ADAM32: variants seen among roughly 807,000 people sequenced by gnomAD.
The protein encoded by ADAM32 is disintegrin and metalloproteinase domain-containing protein 32.
Under a neutral mutation model 114.9 loss-of-function variants are expected in ADAM32, and 89 were observed. The ratio of observed to expected loss-of-function variants is 0.77; its 90% confidence interval spans 0.65 to 0.92. The LOEUF (loss-of-function observed/expected upper bound fraction) is 0.92, where lower values mean the gene tolerates loss of function less well. Among genes scored for constraint, ADAM32 ranks in the 40% least tolerant of loss-of-function variants. The probability of loss-of-function intolerance (pLI) is 0.00; values close to 1 mark genes in which losing one functional copy is unlikely to be tolerated. For missense variants in ADAM32, 870 were observed against 932.8 expected, an observed-to-expected ratio of 0.93 and a Z score of 0.88; for synonymous variants, 285 against 307.5, an observed-to-expected ratio of 0.93 and a Z score of 0.77.
chr8:39,160,949 TG>T lies in ADAM32; in HGVS notation c.580del (p.Val194TrpfsTer14). 6.3e-7 allele frequency: 1 copy of T among 1,596,496 alleles called. No individual in the cohort carries two copies. The highest frequency in any genetic ancestry group is 1.7e-5 in the Admixed American group (1 of 57,228). On this transcript the variant is annotated frameshift_variant, in exon 7 of 25. Coordinates refer to ENST00000379907, the MANE Select transcript of ADAM32 (RefSeq NM_145004.7). LOFTEE classifies it high-confidence loss of function. The stretch of plus-strand genomic sequence containing the variant: ...CCTCTTTATCTAGAAATGCATATTG[TG>T]GTGGACAAAACTTTGGTATGTGTTT... ...LFPLYLEMHI[V>X]VDKTLYDYWG... is the part of the protein sequence containing the mutation.
At chr8:39,274,978 G>C (rs960295003) in intron 21 of ADAM32, among the ~76,000 whole-genome samples, 1 of 152,190 alleles carries the variant, frequency 6.6e-6, no homozygotes, top group Admixed American at 6.5e-5. Flanking sequence ...AAAGAATTAA[G>C]GCTCCTGTTT....
intron 5 of ADAM32, 132 bp downstream of exon 5, chr8:39,149,999 G>A: frequency 1.8e-6 from 1 of 561,710 alleles, no homozygotes; most frequent in Non-Finnish European, 3.0e-6. Context: ...ATCCCCCTCT[G>A]AACATGTTTC....
At position 39,262,261 on chromosome 8, in the gene ADAM32, A is replaced by C. The variant is rs540839297; in HGVS notation, c.2162+4918A>C. ...TAGGGGTCCAGTTTCATTCCTATGC[A>C]TGTGGATATCCAGTTTTCCCCAGGG... On this transcript the variant is annotated intron_variant, in intron 19 of 24. Transcript: ENST00000379907. Among the ~76,000 whole-genome samples the C allele has an allele frequency of 1.3e-5, 2 of 150,736 alleles. 1 individual carries two copies. Among genetic ancestry groups the C allele is most frequent in the South Asian group, 4.2e-4 (2 of 4,774 alleles).
chr8:39,176,173 GTC>G (rs1805517823), intron 10 of ADAM32, among the ~76,000 whole-genome samples: 1 of 151,942 alleles, frequency 6.6e-6, no homozygotes, highest in Admixed American at 6.6e-5. Context: ...TTTTTTGTGT[GTC>G]TCTATCTCCT....
intron 11 of ADAM32, among the ~76,000 whole-genome samples, chr8:39,196,465 G>C (rs913252373): frequency 2.6e-5 from 4 of 152,080 alleles, no homozygotes; most frequent in African/African-American, 9.7e-5. Context: ...GGTGTTAGCT[G>C]TGGGTTTGTT....
intron 11 of ADAM32, among the ~76,000 whole-genome samples, chr8:39,194,718 G>T (rs757067578): frequency 1.1e-4 from 17 of 152,138 alleles, no homozygotes; most frequent in Non-Finnish European, 2.4e-4. Context: ...CCAGTTAGAG[G>T]GGTGCTCAGG....
At chr8:39,257,157 GTTTT>G in intron 18 of ADAM32, 26 bp from the exon 19 acceptor site, 2 of 1,284,310 alleles carry the variant, frequency 1.6e-6, no homozygotes, top group Non-Finnish European at 2.1e-6. Flanking sequence ...TAATTTTTTT[GTTTT>G]TTTTTTTTTG....
intron 6 of ADAM32, chr8:39,158,550 G>T: frequency 5.7e-6 from 2 of 348,278 alleles, no homozygotes; most frequent in South Asian, 2.8e-5. Flanking sequence ...TGTCATGCCA[G>T]CCTTGTATCC....
At chr8:39,187,772 G>A (rs1267806791) in intron 11 of ADAM32, among the ~76,000 whole-genome samples, 3 of 152,034 alleles carry the variant, frequency 2.0e-5, no homozygotes, top group African/African-American at 7.2e-5. Context: ...CTTTGCCTAA[G>A]TTTACTTTTC....
rs114734650 is a variant in ADAM32, at chr8:39,239,237, C to T, written c.1818+5155C>T. On this transcript the variant is annotated intron_variant, in intron 16 of 24. Transcript: ENST00000379907. Reference sequence around the variant, plus strand: ...AGCAGATTTCTCAGCAGAAACTCTACGAGCTAGAAGGGATGGGGATCCTAT... The same window carrying T: ...AGCAGATTTCTCAGCAGAAACTCTATGAGCTAGAAGGGATGGGGATCCTAT... Among the ~76,000 whole-genome samples the T allele has an allele frequency of 4.6e-3, 703 of 152,234 alleles. 7 individuals carry two copies. The highest frequency in any genetic ancestry group is 0.015 in the African/African-American group (627 of 41,538).
chr8:39,267,104 T>G (rs569636120), intron 19 of ADAM32, among the ~76,000 whole-genome samples: 16 of 152,214 alleles, frequency 1.1e-4, no homozygotes, highest in African/African-American at 3.9e-4. Flanking sequence ...GGTGGGCCAG[T>G]GGTGGGTCCA....
At chr8:39,214,315 G>T (rs539864293) in intron 12 of ADAM32, among the ~76,000 whole-genome samples, 7 of 152,142 alleles carry the variant, frequency 4.6e-5, no homozygotes, top group Non-Finnish European at 8.8e-5. Context: ...CAGTGTACAA[G>T]TATTCCCTTT....
At chr8:39,197,383 C>G (rs1032071173) in intron 11 of ADAM32, among the ~76,000 whole-genome samples, 8 of 150,994 alleles carry the variant, frequency 5.3e-5, no homozygotes, top group African/African-American at 1.9e-4. Flanking sequence ...TTGGTTTTTT[C>G]TTGCTTTTCT....
chr8:39,245,290 T>C (rs1810831638), intron 16 of ADAM32, among the ~76,000 whole-genome samples: 7 of 151,974 alleles, frequency 4.6e-5, no homozygotes, highest in Admixed American at 3.9e-4. Flanking sequence ...ACAATAGACT[T>C]TGGGGACTTG....
At chr8:39,123,076 C>T (rs1214688244) in intron 2 of ADAM32, among the ~76,000 whole-genome samples, 5 of 152,114 alleles carry the variant, frequency 3.3e-5, no homozygotes, top group Non-Finnish European at 7.4e-5. Flanking sequence ...GCCTGTGGAT[C>T]CAACTTTCCC....
chr8:39,271,501 C>G (rs1585694600), intron 20 of ADAM32, among the ~76,000 whole-genome samples: 1 of 134,298 alleles, frequency 7.4e-6, no homozygotes, highest in Non-Finnish European at 1.6e-5. Flanking sequence ...TGCCAACAGC[C>G]AAAGCAATCT....
At chr8:39,252,045 C>G (rs184805384) in intron 17 of ADAM32, among the ~76,000 whole-genome samples, 1 of 151,478 alleles carries the variant, frequency 6.6e-6, no homozygotes, top group Non-Finnish European at 1.5e-5. Context: ...TATTTGTAGC[C>G]GGATTCTTTA....
chr8:39,176,097 G>GTGGTTT (rs1050020920), intron 10 of ADAM32, among the ~76,000 whole-genome samples: 49 of 152,200 alleles, frequency 3.2e-4, no homozygotes, highest in African/African-American at 9.9e-4. Flanking sequence ...AGTCTAGCTA[G>GTGGTTT]TGGTTTATCT....
chr8:39,274,569 A>G (rs1812956926), intron 21 of ADAM32, among the ~76,000 whole-genome samples: 1 of 152,214 alleles, frequency 6.6e-6, no homozygotes, highest in Non-Finnish European at 1.5e-5. Flanking sequence ...GAAACAAGGA[A>G]TAAAATAGCT....
Sources: gnomAD v4.1 joint callset for allele counts (sites outside exome capture counted in the v4.1 genomes callset) on GRCh38, gnomAD v4.1.1 for gene constraint, MANE v1.5 for transcripts, NCBI Gene and HGNC (gene_info 2026-07-23, HGNC 2026-07-21) for gene names.